GLRA2: variants seen among roughly 807,000 people sequenced by gnomAD.
GLRA2 encodes glycine receptor alpha 2.
Under a neutral mutation model 31.6 loss-of-function variants are expected in GLRA2, and 11 were observed. The observed-to-expected ratio is 0.35, with a 90% CI of 0.22 to 0.58. The LOEUF is 0.58. Ranked by LOEUF, GLRA2 falls within the 20% of genes least tolerant of loss-of-function variation. GLRA2 has a pLI of 0.84. For synonymous variants in GLRA2, 132 were observed against 134.0 expected (o/e 0.99, Z 0.10); for missense variants, 212 against 351.8 (o/e 0.60, Z 3.18).
At chrX:14,613,945 A>G (rs1395587881) in intron 7 of GLRA2, among the ~76,000 whole-genome samples, 2 of 112,043 alleles carry the variant, frequency 1.8e-5, no homozygotes, top group African/African-American at 6.5e-5. Context: ...AGACAGCTAA[A>G]GTATCAGTGA....
At chrX:14,460,823 AT>A in the GLRA2 span, among the ~76,000 whole-genome samples, 5 of 109,605 alleles carry the variant, frequency 4.6e-5, no homozygotes, top group South Asian at 7.8e-4. Flanking sequence ...GGATTCATTG[AT>A]TTTTTTTGAA....
At chrX:14,520,918 T>A in the GLRA2 span, among the ~76,000 whole-genome samples, 1 of 112,741 alleles carries the variant, frequency 8.9e-6, no homozygotes, top group South Asian at 3.6e-4. Context: ...CTATGCTTTG[T>A]TTTCGTCATT....
At chrX:14,506,593 C>T in the GLRA2 span, among the ~76,000 whole-genome samples, 4 of 111,985 alleles carry the variant, frequency 3.6e-5, no homozygotes, top group Non-Finnish European at 7.5e-5. Context: ...TTGCAAATAG[C>T]TTAGTAATCA....
chrX:14,520,316 T>C, the GLRA2 span, among the ~76,000 whole-genome samples: 1 of 112,548 alleles, frequency 8.9e-6, no homozygotes, highest in Non-Finnish European at 1.9e-5. Flanking sequence ...ATCAATCTCA[T>C]TGTTATTCAT....
chrX:14,549,967 T>C (rs771345922), intron 2 of GLRA2, among the ~76,000 whole-genome samples: 1 of 111,006 alleles, frequency 9.0e-6, no homozygotes, highest in African/African-American at 3.3e-5. Flanking sequence ...CAGTCATTGA[T>C]ATTAAGGGAA....
intron 7 of GLRA2, among the ~76,000 whole-genome samples, chrX:14,670,152 C>A (rs1236418567): frequency 8.9e-6 from 1 of 111,871 alleles, no homozygotes; most frequent in Non-Finnish European, 1.9e-5. Context: ...TAATAAGAGT[C>A]ACCTTTGCTC....
intron 8 of GLRA2, among the ~76,000 whole-genome samples, chrX:14,703,418 T>G (rs1056641003): frequency 6.3e-5 from 7 of 111,880 alleles, no homozygotes; most frequent in Non-Finnish European, 1.1e-4. Flanking sequence ...TGTGTACCTC[T>G]GACCACAGTT....
intron 7 of GLRA2, among the ~76,000 whole-genome samples, chrX:14,688,384 G>A (rs1177139383): frequency 9.0e-6 from 1 of 111,595 alleles, no homozygotes; most frequent in African/African-American, 3.3e-5. Context: ...GTTTGGCTAT[G>A]CCCTGCCCCG....
the GLRA2 span, among the ~76,000 whole-genome samples, chrX:14,487,229 T>C: frequency 7.3e-5 from 8 of 109,353 alleles, no homozygotes; most frequent in Non-Finnish European, 1.5e-4. Flanking sequence ...TACTATAATA[T>C]TTAAAATGCT....
At chrX:14,518,285 A>AT in the GLRA2 span, among the ~76,000 whole-genome samples, 1 of 112,342 alleles carries the variant, frequency 8.9e-6, no homozygotes, top group African/African-American at 3.2e-5. Context: ...CATAAATTTT[A>AT]TAACACTTCA....
the GLRA2 span, among the ~76,000 whole-genome samples, chrX:14,481,115 T>G: frequency 2.7e-5 from 3 of 111,617 alleles, no homozygotes; most frequent in African/African-American, 9.8e-5. Context: ...TTCCTAGGTA[T>G]TTCATTATTT....
At chrX:14,476,763 T>C in the GLRA2 span, among the ~76,000 whole-genome samples, 2 of 112,321 alleles carry the variant, frequency 1.8e-5, no homozygotes, top group African/African-American at 6.5e-5. Flanking sequence ...TATTGGCTTC[T>C]TTCCTCCCAA....
At chrX:14,711,176 A>T (rs2091704733) in intron 8 of GLRA2, among the ~76,000 whole-genome samples, 1 of 112,185 alleles carries the variant, frequency 8.9e-6, no homozygotes, top group Non-Finnish European at 1.9e-5. Context: ...TGTTCCTTCT[A>T]TTCTTGTTCC....
the GLRA2 span, among the ~76,000 whole-genome samples, chrX:14,461,445 G>C: frequency 9.0e-6 from 1 of 111,513 alleles, no homozygotes; most frequent in Non-Finnish European, 1.9e-5. Context: ...ATTGATAGTG[G>C]AGTATTATAG....
At chrX:14,584,089 C>A (rs146284972) in intron 4 of GLRA2, among the ~76,000 whole-genome samples, 1 of 110,660 alleles carries the variant, frequency 9.0e-6, no homozygotes, top group African/African-American at 3.3e-5. Flanking sequence ...CAAAAAACTG[C>A]CTTATAGGGT....
chrX:14,632,432 AGTT>A (rs2090661670), intron 7 of GLRA2, among the ~76,000 whole-genome samples: 1 of 111,673 alleles, frequency 9.0e-6, no homozygotes, highest in African/African-American at 3.3e-5. Flanking sequence ...TGCTTAGTTC[AGTT>A]GTTCTAATCA....
At chrX:14,712,818 A>C (rs1184133069) in intron 8 of GLRA2, among the ~76,000 whole-genome samples, 3 of 111,356 alleles carry the variant, frequency 2.7e-5, no homozygotes, top group Non-Finnish European at 5.7e-5. Context: ...ATAAAGTGGG[A>C]GTCCACAGAA....
the GLRA2 span, among the ~76,000 whole-genome samples, chrX:14,467,899 T>C: frequency 1.8e-5 from 2 of 111,397 alleles, no homozygotes; most frequent in African/African-American, 6.5e-5. Flanking sequence ...GAGCATTTCA[T>C]ATTAGCCAAA....
At chrX:14,607,683 T>C (rs958855084) in intron 6 of GLRA2, among the ~76,000 whole-genome samples, 5 of 111,230 alleles carry the variant, frequency 4.5e-5, no homozygotes, top group African/African-American at 1.6e-4. Context: ...AGTGCCTTAG[T>C]GGAAAAGAGG....
Sources: allele counts gnomAD v4.1 joint callset (sites outside exome capture counted in the v4.1 genomes callset), GRCh38; gene constraint gnomAD v4.1.1; transcripts MANE v1.5; gene names NCBI Gene and HGNC (gene_info 2026-07-23, HGNC 2026-07-21).